Variants in WDR41 observed in about 807,000 individuals in gnomAD.
WDR41 encodes WD repeat domain 41, also known as WD repeat-containing protein 41.
WDR41 carries 63 observed loss-of-function variants against 69.3 expected under a neutral mutation model. That is an observed-to-expected ratio of 0.91 (90% confidence interval 0.74 to 1.12). The LOEUF (loss-of-function observed/expected upper bound fraction) is 1.12. WDR41 is among the 50% of genes most tolerant of loss of function. The pLI, the probability that WDR41 is intolerant of heterozygous loss-of-function variation, is 0.00. For missense variants in WDR41, 543 were observed against 534.5 expected, an observed-to-expected ratio of 1.02 and a Z score of -0.16; for synonymous variants, 185 against 192.1, an observed-to-expected ratio of 0.96 and a Z score of 0.31.
intron 2 of WDR41, among the ~76,000 whole-genome samples, chr5:77,481,049 T>G (rs1801214791): frequency 6.6e-6 from 1 of 150,576 alleles, no homozygotes; most frequent in Non-Finnish European, 1.5e-5. Context: ...TGAGACAAAG[T>G]CTCGCCCTGT....
chr5:77,434,301 A>C (rs78192850), intron 12 of WDR41, among the ~76,000 whole-genome samples: 1 of 152,056 alleles, frequency 6.6e-6, no homozygotes, highest in Non-Finnish European at 1.5e-5. Context: ...ACAAGAGCAA[A>C]ACTCCCTCTC....
chr5:77,444,065 GTGACGGGTT>G (rs1415232144), intron 8 of WDR41, among the ~76,000 whole-genome samples: 2 of 151,878 alleles, frequency 1.3e-5, no homozygotes, highest in Non-Finnish European at 2.9e-5. Context: ...ATTTTTAGTA[GTGACGGGTT>G]TCGCCATGTT....
chr5:77,520,215 T>G (rs1802352746), intron 1 of WDR41, among the ~76,000 whole-genome samples: 1 of 152,172 alleles, frequency 6.6e-6, no homozygotes, highest in Admixed American at 6.5e-5. Flanking sequence ...AGCTGTAACT[T>G]GAAAAAGGGT....
At chr5:77,574,736 T>A (rs1743798577) in intron 1 of WDR41, among the ~76,000 whole-genome samples, 1 of 152,162 alleles carries the variant, frequency 6.6e-6, no homozygotes. Flanking sequence ...CTAATTATCC[T>A]CTCTTTCACA....
chr5:77,602,105 T>TCCC (rs1005913925), intron 1 of WDR41, among the ~76,000 whole-genome samples: 5 of 151,984 alleles, frequency 3.3e-5, no homozygotes, highest in African/African-American at 1.2e-4. Flanking sequence ...CCTCTCTTCA[T>TCCC]CCCCACCCTT....
intron 1 of WDR41, among the ~76,000 whole-genome samples, chr5:77,614,906 C>T (rs973450004): frequency 2.0e-5 from 3 of 151,752 alleles, no homozygotes; most frequent in Admixed American, 6.6e-5. Context: ...GGGCATTCTA[C>T]AGAAAAATAA....
intron 1 of WDR41, among the ~76,000 whole-genome samples, chr5:77,560,498 T>A (rs777443310): frequency 6.6e-6 from 1 of 152,174 alleles, no homozygotes; most frequent in Non-Finnish European, 1.5e-5. Context: ...TAAACACGGA[T>A]TATTGCAATT....
chr5:77,583,552 T>G (rs1428918517), intron 1 of WDR41, among the ~76,000 whole-genome samples: 1 of 151,692 alleles, frequency 6.6e-6, no homozygotes, highest in Non-Finnish European at 1.5e-5. Context: ...ATACGTTTCA[T>G]GTCTGTATCA....
At chr5:77,473,572 T>C (rs1017729774) in intron 2 of WDR41, among the ~76,000 whole-genome samples, 3 of 152,162 alleles carry the variant, frequency 2.0e-5, no homozygotes, top group African/African-American at 7.2e-5. Flanking sequence ...ATCCAGAATC[T>C]ACAATGAACA....
intron 1 of WDR41, among the ~76,000 whole-genome samples, chr5:77,593,407 T>C (rs999264130): frequency 6.6e-6 from 1 of 152,124 alleles, no homozygotes; most frequent in Non-Finnish European, 1.5e-5. Flanking sequence ...TAATAAACTA[T>C]GGCAGCATTA....
chr5:77,458,046 G>C (rs1442935698), intron 5 of WDR41, among the ~76,000 whole-genome samples: 1 of 151,954 alleles, frequency 6.6e-6, no homozygotes, highest in African/African-American at 2.4e-5. Context: ...ATTTTCATTG[G>C]AAACTTAACG....
intron 1 of WDR41, among the ~76,000 whole-genome samples, chr5:77,503,000 T>C (rs1376741876): frequency 6.6e-6 from 1 of 152,014 alleles, no homozygotes; most frequent in Non-Finnish European, 1.5e-5. Context: ...TGATGGATCA[T>C]ATTCACACAT....
intron 3 of WDR41, among the ~76,000 whole-genome samples, chr5:77,463,457 T>C (rs115883956): frequency 0.039 from 5,864 of 152,184 alleles, 120 homozygotes; most frequent in Middle Eastern, 0.1. Flanking sequence ...TATATTTTTA[T>C]AGAAAATTTT....
intron 1 of WDR41, among the ~76,000 whole-genome samples, chr5:77,589,749 A>G (rs928193627): frequency 2.0e-5 from 3 of 152,164 alleles, no homozygotes; most frequent in Non-Finnish European, 2.9e-5. Flanking sequence ...AATTTTATAC[A>G]TACATAATCA....
At chr5:77,592,287 T>A (rs1744149481) in intron 1 of WDR41, among the ~76,000 whole-genome samples, 1 of 152,184 alleles carries the variant, frequency 6.6e-6, no homozygotes, top group African/African-American at 2.4e-5. Flanking sequence ...TGATAGTTTA[T>A]CTTTCAATTA....
chr5:77,436,736 T>C (rs551002768), intron 11 of WDR41, among the ~76,000 whole-genome samples: 2 of 152,224 alleles, frequency 1.3e-5, no homozygotes, highest in Middle Eastern at 3.4e-3. Flanking sequence ...AAACAAGGCA[T>C]AGGGGAAAAG....
At chr5:77,583,467 G>A (rs562094773) in intron 1 of WDR41, among the ~76,000 whole-genome samples, 18 of 150,740 alleles carry the variant, frequency 1.2e-4, no homozygotes, top group Non-Finnish European at 2.4e-4. Flanking sequence ...AGTTGAGATC[G>A]TACCACCACA....
chr5:77,616,792 G>C (rs1252177957), intron 1 of WDR41, among the ~76,000 whole-genome samples: 1 of 152,158 alleles, frequency 6.6e-6, no homozygotes, highest in African/African-American at 2.4e-5. Context: ...CCGAAGCATG[G>C]ATTCTAGTAG....
Position 77,431,844 on chromosome 5 carries a change from G to C in WDR41, c.*1291C>G, listed in dbSNP as rs1561719433. The C allele has an allele frequency of 6.6e-6, 1 of 151,234 alleles. No individual in the cohort carries two copies. The highest frequency in any genetic ancestry group is 1.5e-5 in the Non-Finnish European group (1 of 67,898). The allele number at this position is 151,234 out of a possible 1,614,324, so 9.4% of individuals were successfully genotyped here. A position where few individuals can be genotyped will look rare whatever the true frequency, so the allele number is the denominator to read the frequency against. On this transcript the variant is annotated 3_prime_UTR_variant, in exon 13 of 13. Coordinates refer to ENST00000296679, the MANE Select transcript of WDR41 (RefSeq NM_018268.4). ...AATATTTCTCCATAGAACTTTTCAT[G>C]ACTCAATGTTGTTTGGATTTAAAGT... is the stretch of plus-strand genomic sequence containing the variant.
Sources: allele counts gnomAD v4.1 joint callset (sites outside exome capture counted in the v4.1 genomes callset), GRCh38; gene constraint gnomAD v4.1.1; transcripts MANE v1.5; gene names NCBI Gene and HGNC (gene_info 2026-07-23, HGNC 2026-07-21).